ITGAE: variants seen among roughly 807,000 people sequenced by gnomAD.
ITGAE encodes the protein integrin alpha-E.
A neutral mutation model predicts 136.5 loss-of-function variants in ITGAE; 99 were observed. The observed-to-expected ratio is 0.73, with a 90% CI of 0.62 to 0.86. The LOEUF (loss-of-function observed/expected upper bound fraction) is 0.86, where lower values mean the gene tolerates loss of function less well. ITGAE is among the 40% of genes least tolerant of loss of function. The pLI is 0.00. For missense variants in ITGAE, 1,447 were observed against 1,515.3 expected, an observed-to-expected ratio of 0.95 and a Z score of 0.75; for synonymous variants, 613 against 591.8, an observed-to-expected ratio of 1.04 and a Z score of -0.52.
At chr17:3,724,988 C>G (rs1430442609) in intron 26 of ITGAE, 1 of 1,614,190 alleles carries the variant, frequency 6.2e-7, no homozygotes, top group Admixed American at 1.7e-5. Flanking sequence ...CCTCTCTCCT[C>G]CATTCCCACC....
intron 5 of ITGAE, 22 bp from the exon 6 acceptor site, chr17:3,761,199 AGCTCAGAGTCAGAAAG>A (rs1443587820): frequency 6.2e-7 from 1 of 1,607,352 alleles, no homozygotes; most frequent in Non-Finnish European, 8.5e-7. Flanking sequence ...CACATGGAAG[AGCTCAGAGTCAGAAAG>A]GCTCCATCCT....
At chr17:3,774,058 G>A (rs1387233470) in intron 2 of ITGAE, among the ~76,000 whole-genome samples, 1 of 152,028 alleles carries the variant, frequency 6.6e-6, no homozygotes, top group Non-Finnish European at 1.5e-5. Flanking sequence ...TCAGGGTCAA[G>A]GCCCAAGTCC....
chr17:3,757,090 G>A lies in ITGAE; in HGVS notation c.1065C>T (p.Asn355=), dbSNP rs1256113848. ...FKSARTAREL[N]LIASDPDETH... Reference sequence around the variant, plus strand: ...TCTCATCCGGGTCTGAGGCGATCAGGTTCAGTTCCCTCGCAGTCCTAGCAC... The same window carrying A: ...TCTCATCCGGGTCTGAGGCGATCAGATTCAGTTCCCTCGCAGTCCTAGCAC... The change falls in exon 10 of 31, where the codon AAC becomes AAT. Residue 355 remains asparagine (N), a synonymous_variant. Transcript: ENST00000263087. 1 of 1,614,058 alleles carries A rather than the reference G, an allele frequency of 6.2e-7. No homozygotes were observed. Among genetic ancestry groups the A allele is most frequent in the African/African-American group, 1.3e-5 (1 of 74,926 alleles).
intron 26 of ITGAE, 136 bp from the exon 27 acceptor site, chr17:3,723,880 G>A (rs1441549032): frequency 3.6e-5 from 54 of 1,520,426 alleles, no homozygotes; most frequent in Non-Finnish European, 4.6e-5. Context: ...GGGCGCGTCC[G>A]CGTCGCACGG....
chr17:3,727,274 A>G (rs1483001142), intron 26 of ITGAE, among the ~76,000 whole-genome samples: 1 of 152,218 alleles, frequency 6.6e-6, no homozygotes, highest in Non-Finnish European at 1.5e-5. Context: ...AGAAGAAGGG[A>G]AGCTAGTAAG....
rs758935543 is a variant in ITGAE at position 3,716,760 on chromosome 17, A to C, written c.3372T>G (p.Ser1124=). ...CGCTGCCTTTAATGATGATAGGCAA[A>C]GAATGGTACTTCTCATCTTTCAGGA... ...VVFLKDEKYH[S]LPIIIKGSVG... is the part of the protein sequence containing the mutation. Residue 1124 remains serine (S), a synonymous_variant, in exon 30 of 31, where the codon TCT becomes TCG. Coordinates refer to ENST00000263087, the MANE Select transcript of ITGAE (RefSeq NM_002208.5). 3.2e-5 allele frequency: 51 copies of C among 1,608,516 alleles called. No homozygotes were observed. The highest frequency in any genetic ancestry group is 1.7e-6 in the Non-Finnish European group (2 of 1,175,018).
chr17:3,731,335 CTTTTTTTTTTTTT>C (rs78134599), intron 22 of ITGAE, 152 bp from the exon 23 acceptor site: 14,002 of 387,862 alleles, frequency 0.036, 2 homozygotes, highest in East Asian at 0.053. Context: ...CTTTCCCTTC[CTTTTTTTTTTTTT>C]TTTTTTTTTT....
intron 11 of ITGAE, among the ~76,000 whole-genome samples, 181 bp downstream of exon 11, chr17:3,755,649 A>T (rs990735649): frequency 6.6e-6 from 1 of 152,266 alleles, no homozygotes; most frequent in Non-Finnish European, 1.5e-5. Context: ...ACTGGGCGAC[A>T]GAGCAAGACT....
At chr17:3,760,893 C>T in intron 6 of ITGAE, 120 bp downstream of exon 6, 3 of 1,419,168 alleles carry the variant, frequency 2.1e-6, no homozygotes, top group South Asian at 2.9e-5. Flanking sequence ...CAGGTCAGGT[C>T]TGTAAAGTCC....
intron 21 of ITGAE, among the ~76,000 whole-genome samples, chr17:3,734,283 C>A (rs576752864): frequency 1.2e-4 from 18 of 152,262 alleles, no homozygotes; most frequent in Non-Finnish European, 2.2e-4. Context: ...CCGTGTTAGC[C>A]AGGATGGTCT....
At chr17:3,768,205 G>A (rs7406243) in intron 2 of ITGAE, among the ~76,000 whole-genome samples, 1 of 151,996 alleles carries the variant, frequency 6.6e-6, no homozygotes, top group Non-Finnish European at 1.5e-5. Context: ...GTTCACTGCA[G>A]CCTTGACCTC....
In ITGAE at chr17:3,799,720, T is replaced by A. The variant is rs997290365; in HGVS notation, c.34+1391A>T. On this transcript the variant is annotated intron_variant, in intron 1 of 30. Coordinates refer to ENST00000263087, the MANE Select transcript of ITGAE (RefSeq NM_002208.5). The surrounding 1 kb of genome is among the most constrained non-coding windows in gnomAD (Gnocchi z 4.1). ...CCACAAGCCATAAAAAGAGTGAGAC[T>A]CTCTCCACACCCCACATGTAACTAA... Among the ~76,000 whole-genome samples the A allele has an allele frequency of 1.3e-5, 2 of 152,070 alleles. No homozygotes were observed. The highest frequency in any genetic ancestry group is 2.9e-5 in the Non-Finnish European group (2 of 68,010).
intron 1 of ITGAE, among the ~76,000 whole-genome samples, chr17:3,800,505 C>T (rs2053228562): frequency 6.6e-6 from 1 of 152,170 alleles, no homozygotes; most frequent in African/African-American, 2.4e-5. Context: ...CTTGGCTTGC[C>T]CAGAGGCTTC....
chr17:3,728,057 A>T (rs756543671), intron 25 of ITGAE, 31 bp from the exon 26 acceptor site: 1 of 1,604,918 alleles, frequency 6.2e-7, no homozygotes, highest in East Asian at 2.2e-5. Flanking sequence ...AGGAAATCAA[A>T]GCTGGTATTG....
chr17:3,795,987 A>C (rs1230528627), intron 1 of ITGAE, among the ~76,000 whole-genome samples: 10 of 25,622 alleles, frequency 3.9e-4, no homozygotes, highest in Non-Finnish European at 7.2e-5. Flanking sequence ...CCGTGTGTGC[A>C]TCTGTGTGTG....
At chr17:3,784,260 A>G in intron 1 of ITGAE, 1 of 338,922 alleles carries the variant, frequency 3.0e-6, no homozygotes, top group Non-Finnish European at 5.6e-6. Flanking sequence ...ACTCCATCTC[A>G]AAAAAATAAA....
At chr17:3,731,242 C>T in intron 22 of ITGAE, 59 bp from the exon 23 acceptor site, 1 of 1,300,108 alleles carries the variant, frequency 7.7e-7, no homozygotes, top group Non-Finnish European at 1.1e-6. Flanking sequence ...ACAATTCAGA[C>T]CGCTAGCTAC....
intron 2 of ITGAE, among the ~76,000 whole-genome samples, chr17:3,775,321 A>C (rs986049851): frequency 6.6e-6 from 1 of 152,204 alleles, no homozygotes; most frequent in Non-Finnish European, 1.5e-5. Flanking sequence ...CCAGGTAAAC[A>C]ACCATTGCAC....
Position 3,755,858 on chromosome 17 carries a change from A to G in ITGAE, c.1211T>C (p.Ile404Thr), listed in dbSNP as rs376670383. 2.2e-5 allele frequency: 35 copies of G among 1,600,134 alleles called. No homozygotes were observed. The highest frequency in any genetic ancestry group is 1.7e-4 in the Middle Eastern group (1 of 5,838). Reference protein sequence around the residue: ...GDALHYQLAQIGFSAQILDER... With the variant: ...GDALHYQLAQTGFSAQILDER... Reference sequence around the variant, plus strand: ...ATCCAGGATCTGAGCACTGAAGCCAATCTGTGCCAGCTGGTAGTGAAGGGC... The same window carrying G: ...ATCCAGGATCTGAGCACTGAAGCCAGTCTGTGCCAGCTGGTAGTGAAGGGC... Residue 404 changes from isoleucine (I) to threonine (T), a missense_variant, in exon 11 of 31, where the codon ATT becomes ACT. Ile to Thr is a moderately conservative substitution (Grantham distance 89). Around this residue, in one of 3 missense-constraint regions of ITGAE, gnomAD observed 1,031 missense variants for 1,011.4 expected, o/e 1.02. Coordinates refer to ENST00000263087, the MANE Select transcript of ITGAE (RefSeq NM_002208.5).
Sources: allele counts gnomAD v4.1 joint callset (sites outside exome capture counted in the v4.1 genomes callset), GRCh38; gene constraint gnomAD v4.1.1; regional missense constraint gnomAD v4.1.1; non-coding constraint Gnocchi (gnomAD v3.1); transcripts MANE v1.5; gene names NCBI Gene and HGNC (gene_info 2026-07-23, HGNC 2026-07-21).